The following LHFPL6 variants were observed in gnomAD, a reference collection of about 807,000 sequenced individuals.
The protein encoded by LHFPL6 is LHFPL tetraspan subfamily member 6, also known as LHFPL tetraspan subfamily member 6 protein.
Under a neutral mutation model 20.6 loss-of-function variants are expected in LHFPL6, and 9 were observed. That is an observed-to-expected ratio of 0.44 (90% CI 0.26 to 0.76). LHFPL6 has a LOEUF of 0.76. LHFPL6 is among the 30% of genes least tolerant of loss of function. The probability of loss-of-function intolerance (pLI) is 0.20; values close to 1 mark genes in which losing one functional copy is unlikely to be tolerated. For synonymous variants in LHFPL6, 105 were observed against 98.7 expected, an observed-to-expected ratio of 1.06 and a Z score of -0.38; for missense variants, 218 against 253.5, an observed-to-expected ratio of 0.86 and a Z score of 0.95.
intron 3 of LHFPL6, among the ~76,000 whole-genome samples, 155 bp downstream of exon 3, chr13:39,378,273 T>C (rs1870345120): frequency 6.6e-6 from 1 of 152,242 alleles, no homozygotes; most frequent in African/African-American, 2.4e-5. Flanking sequence ...AACTCTTCAC[T>C]AAATAAATGG....
chr13:39,504,089 A>G (rs1394948087), intron 2 of LHFPL6, among the ~76,000 whole-genome samples: 1 of 152,222 alleles, frequency 6.6e-6, no homozygotes, highest in African/African-American at 2.4e-5. Flanking sequence ...TAAATATATG[A>G]CTGTGGTGAG....
At chr13:39,541,672 C>G (rs1280170768) in intron 2 of LHFPL6, among the ~76,000 whole-genome samples, 1 of 152,192 alleles carries the variant, frequency 6.6e-6, no homozygotes, top group Admixed American at 6.5e-5. Flanking sequence ...CTTTCTTTTT[C>G]TATGTGTCTA....
intron 2 of LHFPL6, among the ~76,000 whole-genome samples, chr13:39,416,155 A>T (rs76795300): frequency 0.041 from 6,246 of 152,298 alleles, 421 homozygotes; most frequent in African/African-American, 0.14. Flanking sequence ...TGATGAGAGT[A>T]AGAGTAGTAA....
intron 2 of LHFPL6, among the ~76,000 whole-genome samples, chr13:39,381,600 C>T (rs1221041412): frequency 6.6e-6 from 1 of 152,124 alleles, no homozygotes; most frequent in Non-Finnish European, 1.5e-5. Context: ...AGAGTTCCAC[C>T]ATTAGTCCAC....
intron 2 of LHFPL6, among the ~76,000 whole-genome samples, chr13:39,523,341 G>A (rs534175593): frequency 1.2e-3 from 182 of 152,220 alleles, no homozygotes; most frequent in African/African-American, 3.6e-3. Context: ...AGGCCGAGGC[G>A]GGCGGATCAC....
intron 2 of LHFPL6, among the ~76,000 whole-genome samples, chr13:39,430,794 A>G (rs1422989590): frequency 6.6e-6 from 1 of 152,150 alleles, no homozygotes; most frequent in Non-Finnish European, 1.5e-5. Flanking sequence ...GCACTCTGTA[A>G]AAATGGACCA....
chr13:39,552,836 T>G (rs966352084), intron 2 of LHFPL6, among the ~76,000 whole-genome samples: 1 of 152,136 alleles, frequency 6.6e-6, no homozygotes, highest in African/African-American at 2.4e-5. Flanking sequence ...ATGGGTGCCT[T>G]TTTGGAGGTG....
At chr13:39,571,557 C>T (rs567243696) in intron 2 of LHFPL6, among the ~76,000 whole-genome samples, 5 of 152,246 alleles carry the variant, frequency 3.3e-5, no homozygotes, top group Non-Finnish European at 7.3e-5. Flanking sequence ...TACCCACCTT[C>T]ACCATCCTTC....
At chr13:39,453,047 TA>T (rs147818791) in intron 2 of LHFPL6, among the ~76,000 whole-genome samples, 63,170 of 152,046 alleles carry the variant, frequency 0.42, 15,212 homozygotes, top group Non-Finnish European at 0.54. Context: ...AAAAGCTTTT[TA>T]TGAACACTTG....
intron 2 of LHFPL6, among the ~76,000 whole-genome samples, chr13:39,552,198 T>A (rs1031877051): frequency 6.6e-6 from 1 of 152,142 alleles, no homozygotes; most frequent in Non-Finnish European, 1.5e-5. Flanking sequence ...ACATGGATAA[T>A]CTAACCCCAG....
At chr13:39,408,689 T>C (rs1432630468) in intron 2 of LHFPL6, among the ~76,000 whole-genome samples, 1 of 152,208 alleles carries the variant, frequency 6.6e-6, no homozygotes, top group African/African-American at 2.4e-5. Context: ...CAGGTTCAAA[T>C]ATAAGCGGAC....
chr13:39,358,648 A>G (rs1338607471), intron 3 of LHFPL6, among the ~76,000 whole-genome samples: 2 of 152,208 alleles, frequency 1.3e-5, no homozygotes, highest in Non-Finnish European at 2.9e-5. Flanking sequence ...GCATCTGACA[A>G]AGGCCTAATA....
At chr13:39,461,328 T>C (rs1307631848) in intron 2 of LHFPL6, among the ~76,000 whole-genome samples, 4 of 152,324 alleles carry the variant, frequency 2.6e-5, no homozygotes, top group Middle Eastern at 3.4e-3. Context: ...AGTAGAATGA[T>C]TTATATTCCT....
intron 2 of LHFPL6, among the ~76,000 whole-genome samples, chr13:39,417,314 C>T (rs552253684): frequency 6.6e-6 from 1 of 152,204 alleles, no homozygotes; most frequent in East Asian, 1.9e-4. Context: ...TGGGTGCCCC[C>T]AGAGGCTAAA....
At chr13:39,462,855 T>C (rs868742962) in intron 2 of LHFPL6, among the ~76,000 whole-genome samples, 20 of 152,282 alleles carry the variant, frequency 1.3e-4, no homozygotes, top group Middle Eastern at 6.8e-3. Context: ...CCTGAGAAGC[T>C]TGGATTCATT....
At chr13:39,526,209 C>A (rs1211469274) in intron 2 of LHFPL6, among the ~76,000 whole-genome samples, 3 of 152,160 alleles carry the variant, frequency 2.0e-5, no homozygotes, top group Non-Finnish European at 4.4e-5. Flanking sequence ...ATCCCAAGCC[C>A]CTGGTACAGG....
intron 2 of LHFPL6, among the ~76,000 whole-genome samples, chr13:39,549,017 T>G (rs1299386816): frequency 2.0e-5 from 3 of 152,124 alleles, no homozygotes; most frequent in Admixed American, 6.5e-5. Flanking sequence ...GCATGTCTTA[T>G]CAAGTAACAT....
intron 2 of LHFPL6, among the ~76,000 whole-genome samples, chr13:39,503,626 C>T (rs1261337047): frequency 6.6e-6 from 1 of 152,184 alleles, no homozygotes; most frequent in African/African-American, 2.4e-5. Flanking sequence ...TAGAACAGTG[C>T]TTGGTATGCA....
chr13:39,590,612 T>C (rs899823332), intron 2 of LHFPL6, among the ~76,000 whole-genome samples: 3 of 152,184 alleles, frequency 2.0e-5, no homozygotes, highest in Admixed American at 2.0e-4. Context: ...CCTGGAGAGT[T>C]CAAATACAGA....
Sources: allele counts gnomAD v4.1 joint callset (sites outside exome capture counted in the v4.1 genomes callset), GRCh38; gene constraint gnomAD v4.1.1; transcripts MANE v1.5; gene names NCBI Gene and HGNC (gene_info 2026-07-23, HGNC 2026-07-21).